The following SLC9C2 variants were observed in gnomAD, a reference collection of about 807,000 sequenced individuals.
SLC9C2 encodes sodium/hydrogen exchanger 11.
A neutral mutation model predicts 140.2 loss-of-function variants in SLC9C2; 75 were observed. The observed-to-expected ratio is 0.53, with a 90% CI of 0.44 to 0.65. The LOEUF is 0.65. Ranked by LOEUF, SLC9C2 falls within the 30% of genes least tolerant of loss-of-function variation. SLC9C2 has a pLI of 0.00. For synonymous variants in SLC9C2, 375 were observed against 420.9 expected (o/e 0.89, Z 1.34); for missense variants, 1,074 against 1,331.8 (o/e 0.81, Z 3.01).
At chr1:173,600,075 G>T in intron 3 of SLC9C2, 42 bp downstream of exon 3, 3 of 1,361,354 alleles carry the variant, frequency 2.2e-6, no homozygotes, top group Non-Finnish European at 3.1e-6. Context: ...TTTATTTTTG[G>T]CATTTTTTCC....
intron 7 of SLC9C2, among the ~76,000 whole-genome samples, chr1:173,579,224 G>T (rs150023145): frequency 6.6e-6 from 1 of 152,214 alleles, no homozygotes; most frequent in East Asian, 1.9e-4. Flanking sequence ...AATCTCAAAG[G>T]CATAATTTCT....
chr1:173,544,562 G>C (rs1286771708), intron 13 of SLC9C2, among the ~76,000 whole-genome samples: 1 of 152,148 alleles, frequency 6.6e-6, no homozygotes, highest in Admixed American at 6.6e-5. Flanking sequence ...TGCAAACTCT[G>C]TTTATTGAGG....
At chr1:173,539,028 A>G (rs1662183793) in intron 13 of SLC9C2, among the ~76,000 whole-genome samples, 1 of 152,224 alleles carries the variant, frequency 6.6e-6, no homozygotes, top group South Asian at 2.1e-4. Context: ...AATGTATATC[A>G]GCATATTAAA....
chr1:173,557,491 A>T lies in SLC9C2; in HGVS notation c.1064T>A (p.Leu355Ter). 6.2e-7 allele frequency: 1 copy of T among 1,612,480 alleles called. No homozygotes were observed. The highest frequency in any genetic ancestry group is 2.2e-5 in the East Asian group (1 of 44,842). ...TGAATGCATCAAAATAGGGCTCACT[A>T]ACAAAATAGTAAGCAACCTGTGGAG... ...VNLVRLLTIL[L>*]VSPILMHSNY... Residue 355 changes from leucine to a stop codon, truncating the protein, a stop_gained, in exon 10 of 28, where the codon TTA becomes TAA. Transcript: ENST00000367714. LOFTEE classifies it high-confidence loss of function.
chr1:173,502,256 G>C (rs1659329437), intron 27 of SLC9C2, among the ~76,000 whole-genome samples: 1 of 122,246 alleles, frequency 8.2e-6, no homozygotes, highest in Non-Finnish European at 1.6e-5. Flanking sequence ...CCATGTGACA[G>C]AGTGAGATTC....
At chr1:173,548,017 T>C (rs1235013459) in intron 12 of SLC9C2, among the ~76,000 whole-genome samples, 1 of 152,232 alleles carries the variant, frequency 6.6e-6, no homozygotes, top group Admixed American at 6.5e-5. Flanking sequence ...TCTAAACTTA[T>C]CTATATGTTT....
intron 9 of SLC9C2, among the ~76,000 whole-genome samples, chr1:173,566,885 T>C (rs527259481): frequency 6.6e-6 from 1 of 152,210 alleles, no homozygotes; most frequent in East Asian, 1.9e-4. Flanking sequence ...GTGTTTCTAT[T>C]ATCATATGTT....
chr1:173,506,804 CT>C, intron 25 of SLC9C2, 51 bp downstream of exon 25: 1 of 1,487,410 alleles, frequency 6.7e-7, no homozygotes, highest in Non-Finnish European at 9.2e-7. Context: ...TTTAAAGTCA[CT>C]TTTGGAGCAC....
intron 21 of SLC9C2, among the ~76,000 whole-genome samples, chr1:173,522,257 A>G (rs888139874): frequency 6.6e-6 from 1 of 151,968 alleles, no homozygotes; most frequent in Non-Finnish European, 1.5e-5. Context: ...ACAGGATCCT[A>G]TCTTGGTTGT....
In SLC9C2 at chr1:173,600,112, A is replaced by G; in HGVS notation, c.228+5T>C. ...TTATTCTCTAATTTATTGTACATAC[A>G]GTACCTCAACAGAATTGTAGGCCAT... is the stretch of plus-strand genomic sequence containing the variant. On this transcript the variant is annotated splice_donor_5th_base_variant and intron_variant, in intron 3 of 27. Transcript: ENST00000367714. 1 of 1,578,974 alleles carries G rather than the reference A, an allele frequency of 6.3e-7. No individual in the cohort carries two copies. Among genetic ancestry groups the G allele is most frequent in the East Asian group, 2.3e-5 (1 of 43,758 alleles).
intron 7 of SLC9C2, among the ~76,000 whole-genome samples, chr1:173,579,247 C>G (rs773048857): frequency 2.0e-5 from 3 of 152,186 alleles, no homozygotes; most frequent in Non-Finnish European, 4.4e-5. Context: ...AGAAAATCAT[C>G]ATTCTGTTTA....
Position 173,533,599 on chromosome 1 carries a change from G to T in SLC9C2, c.2163+10C>A. 2 of 1,561,336 alleles carry T rather than the reference G, an allele frequency of 1.3e-6. No homozygotes were observed. Among genetic ancestry groups the T allele is most frequent in the Non-Finnish European group, 1.7e-6 (2 of 1,146,644 alleles). On this transcript the variant is annotated intron_variant, in intron 17 of 27. Transcript: ENST00000367714. ...GGCAAATCTTAATATTTTAAAATGTGAAATCTTACCTTGAAGAGAGGAAGA... is the reference window on the plus strand; with the variant it reads ...GGCAAATCTTAATATTTTAAAATGTTAAATCTTACCTTGAAGAGAGGAAGA...
At chr1:173,537,430 C>T (rs562533839) in intron 13 of SLC9C2, among the ~76,000 whole-genome samples, 4 of 151,922 alleles carry the variant, frequency 2.6e-5, no homozygotes, top group East Asian at 3.9e-4. Context: ...GGCATGATGG[C>T]GCATGCTTGT....
intron 21 of SLC9C2, among the ~76,000 whole-genome samples, chr1:173,523,746 A>G (rs561189721): frequency 2.0e-5 from 3 of 152,382 alleles, no homozygotes; most frequent in African/African-American, 7.2e-5. Flanking sequence ...AGTCAGACAC[A>G]TATAGCTACT....
intron 6 of SLC9C2, among the ~76,000 whole-genome samples, chr1:173,582,941 G>A (rs911418581): frequency 2.0e-5 from 3 of 152,208 alleles, no homozygotes; most frequent in Admixed American, 6.5e-5. Context: ...GACACTATAT[G>A]TGTCTATTGT....
At chr1:173,564,517 A>G (rs767259210) in intron 9 of SLC9C2, among the ~76,000 whole-genome samples, 3 of 151,840 alleles carry the variant, frequency 2.0e-5, no homozygotes, top group Non-Finnish European at 4.4e-5. Flanking sequence ...AGAAGTGTCT[A>G]CTCAGATCTT....
In SLC9C2 at chr1:173,576,723, G is replaced by C. The variant is rs377567202; in HGVS notation, c.840C>G (p.Ala280=). 1 of 1,608,588 alleles carries C rather than the reference G, an allele frequency of 6.2e-7. No individual in the cohort carries two copies. The highest frequency in any genetic ancestry group is 2.2e-5 in the East Asian group (1 of 44,838). ...FLGMSGTLAL[A]AVGLNLDSLT... ...AAGAATCTAAATTCAGTCCTACAGC[G>C]GCTAAGGCAAGAGTGCCTGACATTC... The change falls in exon 8 of 28, where the codon GCC becomes GCG. Residue 280 remains alanine, a synonymous_variant. Transcript: ENST00000367714.
At chr1:173,593,671 A>G (rs1369401173) in intron 4 of SLC9C2, among the ~76,000 whole-genome samples, 3 of 152,190 alleles carry the variant, frequency 2.0e-5, no homozygotes, top group Non-Finnish European at 2.9e-5. Context: ...AAAATAAAGG[A>G]GTGGAGGAAA....
intron 21 of SLC9C2, among the ~76,000 whole-genome samples, chr1:173,523,466 G>A (rs897804584): frequency 1.3e-5 from 2 of 152,234 alleles, no homozygotes; most frequent in African/African-American, 4.8e-5. Flanking sequence ...ACCTAGAACA[G>A]TCTCTGGCAT....
Sources: allele counts gnomAD v4.1 joint callset (sites outside exome capture counted in the v4.1 genomes callset), GRCh38; gene constraint gnomAD v4.1.1; transcripts MANE v1.5; gene names NCBI Gene and HGNC (gene_info 2026-07-23, HGNC 2026-07-21).